Variants in SPTBN1 observed in about 807,000 individuals in gnomAD.
SPTBN1 encodes the protein spectrin beta chain, non-erythrocytic 1.
A neutral mutation model predicts 266.4 loss-of-function variants in SPTBN1; 32 were observed. That is an observed-to-expected ratio of 0.12 (90% confidence interval 0.09 to 0.16). The LOEUF (loss-of-function observed/expected upper bound fraction) is 0.16, where lower values mean the gene tolerates loss of function less well. Among genes scored for constraint, SPTBN1 ranks in the 10% least tolerant of loss-of-function variants. The pLI, the probability that SPTBN1 is intolerant of heterozygous loss-of-function variation, is 1.00. For missense variants in SPTBN1, 2,296 were observed against 3,067.1 expected (o/e 0.75, Z 5.94); for synonymous variants, 1,336 against 1,162.2 (o/e 1.15, Z -3.04).
Position 54,646,422 on chromosome 2 carries a change from G to C in SPTBN1, c.4813G>C (p.Glu1605Gln). ...QQYYFDAAEA[E>Q]AWMSEQELYM... ...GTACTACTTTGACGCTGCTGAGGCC[G>C]AAGCCTGGATGAGCGAGCAGGAGCT... is the stretch of plus-strand genomic sequence containing the variant. Residue 1605 changes from glutamate to glutamine, a missense_variant, in exon 23 of 36, where the codon GAA becomes CAA. Glu to Gln is a conservative substitution (Grantham distance 29). Around this residue, in one of 12 missense-constraint regions of SPTBN1, gnomAD observed 644 missense variants for 745.3 expected, o/e 0.86. Transcript: ENST00000356805. This position sits in a 1 kb window ranked among gnomAD's most constrained non-coding sequence, Gnocchi z 4.4. 6.3e-7 allele frequency: 1 copy of C among 1,593,332 alleles called. No individual in the cohort carries two copies. The highest frequency in any genetic ancestry group is 8.5e-7 in the Non-Finnish European group (1 of 1,169,890).
intron 2 of SPTBN1, among the ~76,000 whole-genome samples, chr2:54,592,194 T>C (rs941021298): frequency 6.6e-6 from 1 of 152,164 alleles, no homozygotes; most frequent in African/African-American, 2.4e-5. Flanking sequence ...TTTAAAAATA[T>C]AAATTAAAAA....
At chr2:54,641,628 G>A (rs1679566314) in intron 18 of SPTBN1, among the ~76,000 whole-genome samples, 1 of 152,148 alleles carries the variant, frequency 6.6e-6, no homozygotes, top group Non-Finnish European at 1.5e-5. Flanking sequence ...AACAAAGAGT[G>A]AAATCAAAAA....
chr2:54,481,968 G>C (rs899118949), intron 1 of SPTBN1, among the ~76,000 whole-genome samples: 2 of 151,862 alleles, frequency 1.3e-5, no homozygotes, highest in African/African-American at 4.8e-5. Flanking sequence ...CTTTTCCTCC[G>C]CATGGCTTCC....
chr2:54,472,563 A>T (rs532918268), intron 1 of SPTBN1, among the ~76,000 whole-genome samples: 1 of 151,944 alleles, frequency 6.6e-6, no homozygotes, highest in Non-Finnish European at 1.5e-5. Context: ...TAGTCTCTCA[A>T]TTTTTTTCAA....
chr2:54,526,235 C>A, intron 1 of SPTBN1, 137 bp from the exon 2 acceptor site: 1 of 658,024 alleles, frequency 1.5e-6, no homozygotes, highest in Non-Finnish European at 2.4e-6. Flanking sequence ...GTGCTAAAAC[C>A]TAAAACCAGC....
Position 54,631,446 on chromosome 2 carries a change from C to T in SPTBN1, c.3399C>T (p.Thr1133=), listed in dbSNP as rs1402700065. The stretch of plus-strand genomic sequence containing the variant: ...GCGAGATGGTCACCCAGGGGCAGAC[C>T]GATGCCCAGTACATGTTTCTGCGGC... ...DMGEMVTQGQ[T]DAQYMFLRQR... The change falls in exon 16 of 36, where the codon ACC becomes ACT. Residue 1133 remains threonine, a synonymous_variant. Transcript: ENST00000356805. The T allele has an allele frequency of 5.6e-6, 9 of 1,614,236 alleles. No individual in the cohort carries two copies. The highest frequency in any genetic ancestry group is 4.0e-5 in the African/African-American group (3 of 75,072).
chr2:54,649,621 C>A lies in SPTBN1; in HGVS notation c.5209C>A (p.Gln1737Lys). 6.2e-7 allele frequency: 1 copy of A among 1,607,392 alleles called. No individual in the cohort carries two copies. The highest frequency in any genetic ancestry group is 8.5e-7 in the Non-Finnish European group (1 of 1,174,238). Residue 1737 changes from glutamine to lysine, a missense_variant, in exon 26 of 36, where the codon CAA (glutamine) becomes AAA (lysine). Gln to Lys is a moderately conservative substitution (Grantham distance 53). Around this residue, in one of 12 missense-constraint regions of SPTBN1, gnomAD observed 644 missense variants for 745.3 expected, o/e 0.86. Transcript: ENST00000356805. This position sits in a 1 kb window ranked among gnomAD's most constrained non-coding sequence, Gnocchi z 6.7. ...GQDYEHVTML[Q>K]ERFREFARDT... ...TTACCCATCCCCGTTTCAGATGTTA[C>A]AAGAACGATTCCGGGAGTTTGCCCG...
At chr2:54,580,540 T>C (rs1674820620) in intron 2 of SPTBN1, among the ~76,000 whole-genome samples, 1 of 152,060 alleles carries the variant, frequency 6.6e-6, no homozygotes, top group Admixed American at 6.6e-5. Context: ...AGCTGCTTAT[T>C]TGTGTGTGTG....
At chr2:54,637,332 G>C (rs184011180) in intron 17 of SPTBN1, among the ~76,000 whole-genome samples, 8 of 152,150 alleles carry the variant, frequency 5.3e-5, no homozygotes, top group African/African-American at 1.7e-4. Flanking sequence ...TCTTAGCCTT[G>C]TATGTGTCAC....
At chr2:54,475,496 T>A (rs186585352) in intron 1 of SPTBN1, among the ~76,000 whole-genome samples, 40 of 152,266 alleles carry the variant, frequency 2.6e-4, no homozygotes, top group African/African-American at 9.6e-4. Flanking sequence ...TGCATTTTGG[T>A]GGCATGTTGG....
At chr2:54,637,668 C>T (rs751763773) in intron 17 of SPTBN1, 45 bp from the exon 18 acceptor site, 1 of 1,447,904 alleles carries the variant, frequency 6.9e-7, no homozygotes. Flanking sequence ...TTTCAAGATT[C>T]TCTACTTCCT....
intron 7 of SPTBN1, among the ~76,000 whole-genome samples, chr2:54,621,056 A>G (rs1360783372): frequency 1.3e-5 from 2 of 152,196 alleles, no homozygotes; most frequent in African/African-American, 2.4e-5. Context: ...CTGGTAACAA[A>G]GAGATAAAGA....
intron 2 of SPTBN1, among the ~76,000 whole-genome samples, chr2:54,596,741 C>T (rs549309469): frequency 6.6e-6 from 1 of 152,168 alleles, no homozygotes; most frequent in Non-Finnish European, 1.5e-5. Flanking sequence ...TTCTAAGAAC[C>T]ATGATAGCCC....
At chr2:54,640,699 G>A (rs955800071) in intron 18 of SPTBN1, among the ~76,000 whole-genome samples, 1 of 152,138 alleles carries the variant, frequency 6.6e-6, no homozygotes, top group Admixed American at 6.5e-5. Context: ...TTCCAGGCAT[G>A]CGCCACCACA....
At chr2:54,576,890 G>A (rs773248591) in intron 2 of SPTBN1, among the ~76,000 whole-genome samples, 1 of 152,166 alleles carries the variant, frequency 6.6e-6, no homozygotes, top group Non-Finnish European at 1.5e-5. Context: ...CTGGGATGTG[G>A]GGGAAGCATT....
rs1678367782 is a variant in SPTBN1 at position 54,626,764 on chromosome 2, C to T, written c.1644+530C>T. Among the ~76,000 whole-genome samples the T allele has an allele frequency of 6.6e-6, 1 of 152,170 alleles. No individual in the cohort carries two copies. ...AGATTGTACTTACTATCTACCTCAT[C>T]CAATTATTGCAAGGATGGAATGCGG... On this transcript the variant is annotated intron_variant, in intron 12 of 35. Coordinates refer to ENST00000356805, the MANE Select transcript of SPTBN1 (RefSeq NM_003128.3). The surrounding 1 kb of genome is among the most constrained non-coding windows in gnomAD (Gnocchi z 4.7).
chr2:54,599,404 A>G (rs1348130797), intron 3 of SPTBN1, among the ~76,000 whole-genome samples, 161 bp downstream of exon 3: 1 of 152,196 alleles, frequency 6.6e-6, no homozygotes, highest in Non-Finnish European at 1.5e-5. Context: ...CCTTAGTGTC[A>G]CATTCTGAGC....
chr2:54,664,287 A>G lies in SPTBN1; in HGVS notation c.6421-166A>G, dbSNP rs1681232541. On this transcript the variant is annotated intron_variant, in intron 32 of 35. Transcript: ENST00000356805. The surrounding 1 kb of genome is among the most constrained non-coding windows in gnomAD (Gnocchi z 5.6). ...GGTATTAATCCATTCCCACCTTCTAATGTCCTTGATGTCCAGCTGGCTTTG... is the reference window on the plus strand; with the variant it reads ...GGTATTAATCCATTCCCACCTTCTAGTGTCCTTGATGTCCAGCTGGCTTTG... 1.5e-6 allele frequency: 1 copy of G among 685,900 alleles called. No individual in the cohort carries two copies. The allele number at this position is 685,900 out of a possible 1,614,324, so 42.5% of individuals were successfully genotyped here. A position where few individuals can be genotyped will look rare whatever the true frequency, so the allele number is the denominator to read the frequency against.
intron 4 of SPTBN1, among the ~76,000 whole-genome samples, chr2:54,614,298 C>G (rs568067545): frequency 6.6e-6 from 1 of 152,128 alleles, no homozygotes; most frequent in Non-Finnish European, 1.5e-5. Context: ...CTTGTAGATA[C>G]ATAGGGTCAA....
Sources: gnomAD v4.1 joint callset for allele counts (sites outside exome capture counted in the v4.1 genomes callset) on GRCh38, gnomAD v4.1.1 for gene constraint, gnomAD v4.1.1 regional missense constraint, Gnocchi (gnomAD v3.1) non-coding constraint, MANE v1.5 for transcripts, NCBI Gene and HGNC (gene_info 2026-07-23, HGNC 2026-07-21) for gene names.